KCNN2: variants seen among roughly 807,000 people sequenced by gnomAD.
KCNN2 encodes small conductance calcium-activated potassium channel protein 2.
Under a neutral mutation model 55.5 loss-of-function variants are expected in KCNN2, and 24 were observed. The observed-to-expected ratio is 0.43, with a 90% CI of 0.31 to 0.61. The LOEUF is 0.61. KCNN2 is among the 20% of genes least tolerant of loss of function. The pLI is 0.08. For synonymous variants in KCNN2, 431 were observed against 336.1 expected (o/e 1.28, Z -3.09); for missense variants, 754 against 853.6 (o/e 0.88, Z 1.45).
At chr5:114,383,846 TAAGAG>T (rs1758200517) in intron 2 of KCNN2, among the ~76,000 whole-genome samples, 1 of 152,210 alleles carries the variant, frequency 6.6e-6, no homozygotes, top group Non-Finnish European at 1.5e-5. Flanking sequence ...TGATGCAGTA[TAAGAG>T]AAGTCAGGAT....
chr5:114,375,183 A>G (rs540401204), intron 2 of KCNN2, among the ~76,000 whole-genome samples: 2 of 152,270 alleles, frequency 1.3e-5, no homozygotes, highest in South Asian at 2.1e-4. Context: ...CTGTGTGGCT[A>G]AGGGAAACTA....
At chr5:114,338,449 T>C (rs1016055122) in intron 2 of KCNN2, among the ~76,000 whole-genome samples, 2 of 152,192 alleles carry the variant, frequency 1.3e-5, no homozygotes, top group Non-Finnish European at 2.9e-5. Flanking sequence ...GTACCAAATA[T>C]AGGTCATTCT....
At chr5:114,274,444 G>A (rs1755439400) in intron 2 of KCNN2, among the ~76,000 whole-genome samples, 1 of 152,130 alleles carries the variant, frequency 6.6e-6, no homozygotes, top group Non-Finnish European at 1.5e-5. Context: ...CCATTTTCAT[G>A]ATATTGATTT....
rs1376752449 is a variant in KCNN2 at position 114,495,757 on chromosome 5, A to G, written c.2089-138A>G. 3 of 743,054 alleles carry G rather than the reference A, an allele frequency of 4.0e-6. No homozygotes were observed. The Admixed American group carries it at 7.1e-5, about 17-fold the overall frequency. 46.0% of individuals were successfully genotyped at this position (743,054 alleles called of 1,614,324 possible). A position where few individuals can be genotyped will look rare whatever the true frequency, so the allele number is the denominator to read the frequency against. The stretch of plus-strand genomic sequence containing the variant: ...AACACATACAATGAGTTGGCTTTGC[A>G]AGATGAGCTGTTCAGTTAGCTGACA... On this transcript the variant is annotated intron_variant, in intron 7 of 7. Transcript: ENST00000673685.
intron 2 of KCNN2, among the ~76,000 whole-genome samples, chr5:114,352,505 T>TAATATGTTACTTTTTTCTTA (rs1456479973): frequency 2.0e-5 from 3 of 151,892 alleles, no homozygotes; most frequent in Admixed American, 6.6e-5. Flanking sequence ...TTTCTTAAAG[T>TAATATGTTACTTTTTTCTTA]AATATGTTAG....
chr5:114,269,754 C>G (rs575595527), intron 2 of KCNN2, among the ~76,000 whole-genome samples: 8 of 152,238 alleles, frequency 5.3e-5, no homozygotes, highest in African/African-American at 9.6e-5. Flanking sequence ...GAAATAGAGA[C>G]AAAGTTCATA....
At chr5:114,158,031 G>A (rs1426461564) in intron 1 of KCNN2, among the ~76,000 whole-genome samples, 1 of 152,010 alleles carries the variant, frequency 6.6e-6, no homozygotes, top group Admixed American at 6.6e-5. Context: ...GTCAATTTTG[G>A]CTTTCGTTGC....
chr5:114,088,931 T>C (rs1003344975), intron 1 of KCNN2, among the ~76,000 whole-genome samples: 2 of 152,240 alleles, frequency 1.3e-5, no homozygotes, highest in African/African-American at 4.8e-5. Context: ...ACATTTTTTA[T>C]TTTAAATATT....
chr5:114,414,713 G>A (rs966620062), intron 3 of KCNN2, among the ~76,000 whole-genome samples: 18 of 152,196 alleles, frequency 1.2e-4, no homozygotes, highest in Non-Finnish European at 2.5e-4. Flanking sequence ...TTCAGTGACT[G>A]TTTGGTGAAT....
chr5:114,355,600 G>A (rs760495026), intron 2 of KCNN2, among the ~76,000 whole-genome samples: 13 of 152,058 alleles, frequency 8.5e-5, no homozygotes, highest in Non-Finnish European at 1.5e-4. Context: ...TCCTTTCTCC[G>A]GTTCTCTCAC....
intron 1 of KCNN2, among the ~76,000 whole-genome samples, chr5:114,115,449 A>T (rs78095738): frequency 0.046 from 7,016 of 152,170 alleles, 531 homozygotes; most frequent in African/African-American, 0.16. Flanking sequence ...ATTTGATTAT[A>T]TAAGGCTGAT....
intron 1 of KCNN2, among the ~76,000 whole-genome samples, chr5:114,182,216 C>G (rs1252956568): frequency 6.6e-6 from 1 of 151,902 alleles, no homozygotes; most frequent in East Asian, 1.9e-4. Context: ...CTAGTAGAAA[C>G]TTCTGAGTTT....
At chr5:114,332,579 T>A (rs1192629875) in intron 2 of KCNN2, among the ~76,000 whole-genome samples, 1 of 152,066 alleles carries the variant, frequency 6.6e-6, no homozygotes, top group Non-Finnish European at 1.5e-5. Flanking sequence ...TCTGAAAAAA[T>A]TAAGATCTTG....
intron 1 of KCNN2, among the ~76,000 whole-genome samples, chr5:114,133,750 A>C (rs1202506553): frequency 6.6e-6 from 1 of 152,216 alleles, no homozygotes; most frequent in African/African-American, 2.4e-5. Flanking sequence ...CAGTTACTGA[A>C]AACAAATGTT....
intron 1 of KCNN2, among the ~76,000 whole-genome samples, chr5:114,162,455 C>A (rs1752808883): frequency 6.6e-6 from 1 of 152,170 alleles, no homozygotes; most frequent in African/African-American, 2.4e-5. Flanking sequence ...GGTCAGGGAC[C>A]CACTTGAGGA....
intron 1 of KCNN2, among the ~76,000 whole-genome samples, chr5:114,074,255 T>C (rs1329884375): frequency 6.6e-6 from 1 of 151,888 alleles, no homozygotes; most frequent in African/African-American, 2.4e-5. Context: ...TCACCATCGG[T>C]AGAACTAATT....
At chr5:114,337,236 C>T (rs1320763495) in intron 2 of KCNN2, among the ~76,000 whole-genome samples, 3 of 151,912 alleles carry the variant, frequency 2.0e-5, no homozygotes, top group Non-Finnish European at 4.4e-5. Flanking sequence ...AAATTTATCC[C>T]ATAGGTAAGT....
At chr5:114,183,069 A>G (rs995289237) in intron 1 of KCNN2, among the ~76,000 whole-genome samples, 2 of 152,104 alleles carry the variant, frequency 1.3e-5, no homozygotes, top group Non-Finnish European at 2.9e-5. Context: ...AGAGGATTTT[A>G]TTTTTAATCA....
chr5:114,322,304 G>C (rs2150029936), intron 2 of KCNN2, among the ~76,000 whole-genome samples: 1 of 152,282 alleles, frequency 6.6e-6, no homozygotes, highest in East Asian at 1.9e-4. Context: ...TGTCTAGTAA[G>C]TAGAGAAAGA....
Sources: gnomAD v4.1 joint callset for allele counts (sites outside exome capture counted in the v4.1 genomes callset) on GRCh38, gnomAD v4.1.1 for gene constraint, MANE v1.5 for transcripts, NCBI Gene and HGNC (gene_info 2026-07-23, HGNC 2026-07-21) for gene names.